Variants in ART3 observed in about 807,000 individuals in gnomAD.
The protein encoded by ART3 is ADP-ribosyltransferase 3 (inactive), also known as ecto-ADP-ribosyltransferase 3.
A neutral mutation model predicts 48.5 loss-of-function variants in ART3; 49 were observed. The observed-to-expected ratio is 1.01, with a 90% CI of 0.80 to 1.28. ART3 has a LOEUF of 1.28. Ranked by LOEUF, ART3 falls within the 50% of genes most tolerant of loss-of-function variation. The pLI is 0.00. For missense variants in ART3, 438 were observed against 454.3 expected, an observed-to-expected ratio of 0.96 and a Z score of 0.33; for synonymous variants, 145 against 157.2, an observed-to-expected ratio of 0.92 and a Z score of 0.58.
At chr4:76,018,002 T>A (rs1306615232) in intron 1 of ART3, among the ~76,000 whole-genome samples, 1 of 152,268 alleles carries the variant, frequency 6.6e-6, no homozygotes, top group African/African-American at 2.4e-5. Flanking sequence ...CTGAAAGAAG[T>A]ACTGATTGGT....
chr4:76,044,270 C>T (rs762345615), intron 1 of ART3, among the ~76,000 whole-genome samples: 13 of 152,034 alleles, frequency 8.6e-5, no homozygotes, highest in African/African-American at 2.2e-4. Flanking sequence ...AAACGCCGGG[C>T]GGCATCTCAT....
chr4:76,050,702 CA>C (rs778054885), intron 1 of ART3, among the ~76,000 whole-genome samples: 2 of 152,186 alleles, frequency 1.3e-5, no homozygotes, highest in South Asian at 4.1e-4. Context: ...CACCGTGGAG[CA>C]GGGGGTGGCA....
chr4:76,104,762 A>C (rs1289541137), intron 10 of ART3, 133 bp downstream of exon 10: 20 of 1,132,428 alleles, frequency 1.8e-5, no homozygotes, highest in African/African-American at 3.1e-5. Flanking sequence ...TCACATGTAC[A>C]TGACAGGAAT....
At chr4:76,098,913 C>A (rs746434879) in intron 4 of ART3, 42 bp from the exon 5 acceptor site, 1 of 1,534,280 alleles carries the variant, frequency 6.5e-7, no homozygotes, top group Non-Finnish European at 9.0e-7. Flanking sequence ...ACATTCACAT[C>A]TGAGCATAGT....
intron 2 of ART3, among the ~76,000 whole-genome samples, chr4:76,078,263 T>A (rs778988350): frequency 4.6e-5 from 7 of 152,152 alleles, no homozygotes; most frequent in Non-Finnish European, 1.0e-4. Flanking sequence ...CAGAAAGACT[T>A]GATGTCTAAA....
At position 76,060,672 on chromosome 4, in the gene ART3, G is replaced by A. The variant is rs563096207; in HGVS notation, c.-9-15209G>A. 2.6e-5 allele frequency among the ~76,000 whole-genome samples: 4 copies of A among 152,318 alleles called. No homozygotes were observed. In the South Asian group the frequency reaches 6.2e-4, roughly 24 times the overall value. ...GGGTGGACCCACTGTAATAACATGG[G>A]CACTTAAAAGAGGAAGAGGAAGACA... is the stretch of plus-strand genomic sequence containing the variant. On this transcript the variant is annotated intron_variant, in intron 1 of 9. Coordinates refer to the ART3 transcript ENST00000341029.
intron 1 of ART3, among the ~76,000 whole-genome samples, chr4:76,051,814 T>A (rs2149456576): frequency 6.6e-6 from 1 of 152,100 alleles, no homozygotes; most frequent in African/African-American, 2.4e-5. Context: ...AGTGCTGGGA[T>A]TACTGGCATA....
chr4:76,099,303 C>A, intron 5 of ART3: 1 of 338,384 alleles, frequency 3.0e-6, no homozygotes, highest in South Asian at 2.8e-5. Context: ...ACTCTGTCTC[C>A]AAAGTTAATA....
chr4:76,023,412 A>G, intron 1 of ART3: 3 of 1,614,064 alleles, frequency 1.9e-6, no homozygotes, highest in Non-Finnish European at 1.7e-6. Flanking sequence ...GCAGCAAATC[A>G]GAATGGCAGT....
upstream of ART3, among the ~76,000 whole-genome samples, chr4:76,071,037 C>G (rs1466901099): frequency 6.6e-6 from 1 of 151,850 alleles, no homozygotes; most frequent in Non-Finnish European, 1.5e-5. Flanking sequence ...ATCCAACATG[C>G]TGGTTTTTTT....
rs181498127 is a variant in ART3, at chr4:76,092,706, C to G, written c.782-4938C>G. On this transcript the variant is annotated intron_variant, in intron 3 of 11. Transcript: ENST00000355810. ...CATCATATTTGGAAAGTTGTGACTA[C>G]TGTTTGTGCAAATATTTTTTCACCC... is the stretch of plus-strand genomic sequence containing the variant. Among the ~76,000 whole-genome samples the G allele has an allele frequency of 5.0e-4, 76 of 152,070 alleles. No individual in the cohort carries two copies. The Middle Eastern group carries it at 0.01, about 20-fold the overall frequency.
At chr4:76,111,174 A>C (rs1729404732) in intron 11 of ART3, among the ~76,000 whole-genome samples, 1 of 152,148 alleles carries the variant, frequency 6.6e-6, no homozygotes, top group South Asian at 2.1e-4. Flanking sequence ...ATCTCTGAGG[A>C]GTTCATCTCC....
At chr4:76,039,081 T>C (rs546342966) in intron 1 of ART3, among the ~76,000 whole-genome samples, 4 of 150,006 alleles carry the variant, frequency 2.7e-5, no homozygotes, top group East Asian at 2.0e-4. Context: ...TTCTCATCTA[T>C]AGACTGGGGA....
chr4:76,054,822 A>G (rs2149466029), intron 1 of ART3, among the ~76,000 whole-genome samples: 1 of 152,346 alleles, frequency 6.6e-6, no homozygotes, highest in African/African-American at 2.4e-5. Context: ...TACAGAGTGA[A>G]ACCCTGTCTC....
At chr4:76,040,438 A>ACACACACACG (rs1553926413) in intron 1 of ART3, among the ~76,000 whole-genome samples, 3 of 64,530 alleles carry the variant, frequency 4.6e-5, no homozygotes, top group South Asian at 4.9e-4. Flanking sequence ...TACACTGGAT[A>ACACACACACG]CACACACACA....
At chr4:76,087,021 A>G (rs1249717714) in intron 3 of ART3, among the ~76,000 whole-genome samples, 1 of 152,176 alleles carries the variant, frequency 6.6e-6, no homozygotes, top group Non-Finnish European at 1.5e-5. Context: ...GCTGACAGAA[A>G]TGGTACCGCT....
At chr4:76,074,381 G>C (rs1720646810), upstream of ART3, among the ~76,000 whole-genome samples, 1 of 152,184 alleles carries the variant, frequency 6.6e-6, no homozygotes, top group South Asian at 2.1e-4. Flanking sequence ...GATTAACAGA[G>C]CAAGTTTCCC....
intron 1 of ART3, among the ~76,000 whole-genome samples, chr4:76,049,397 G>T (rs376986212): frequency 4.6e-5 from 7 of 151,828 alleles, no homozygotes; most frequent in Non-Finnish European, 8.8e-5. Context: ...GCTCATGGCC[G>T]CAGGGTCAGC....
At chr4:76,012,555 A>G (rs563412816) in intron 1 of ART3, among the ~76,000 whole-genome samples, 1 of 152,336 alleles carries the variant, frequency 6.6e-6, no homozygotes, top group African/African-American at 2.4e-5. Context: ...TAAGTCACTA[A>G]GAGAAAGGAC....
Sources: allele counts gnomAD v4.1 joint callset (sites outside exome capture counted in the v4.1 genomes callset), GRCh38; gene constraint gnomAD v4.1.1; transcripts MANE v1.5; gene names NCBI Gene and HGNC (gene_info 2026-07-23, HGNC 2026-07-21).